L3MBTL3: variants seen among roughly 807,000 people sequenced by gnomAD.
The protein encoded by L3MBTL3 is L3MBTL histone methyl-lysine binding protein 3, also known as lethal(3)malignant brain tumor-like protein 3.
A neutral mutation model predicts 102.3 loss-of-function variants in L3MBTL3; 27 were observed. The observed-to-expected ratio is 0.26, with a 90% confidence interval of 0.19 to 0.36. L3MBTL3 has a LOEUF of 0.36. Among genes scored for constraint, L3MBTL3 ranks in the 10% least tolerant of loss-of-function variants. L3MBTL3 has a pLI of 1.00. For missense variants in L3MBTL3, 798 were observed against 955.3 expected (o/e 0.84, Z 2.17); for synonymous variants, 340 against 320.9 (o/e 1.06, Z -0.64).
intron 19 of L3MBTL3, among the ~76,000 whole-genome samples, chr6:130,112,007 C>A (rs1785380947): frequency 6.6e-6 from 1 of 152,192 alleles, no homozygotes; most frequent in African/African-American, 2.4e-5. Flanking sequence ...TCCTGAGATA[C>A]CTCCTTTCCC....
intron 14 of L3MBTL3, among the ~76,000 whole-genome samples, chr6:130,079,420 T>C (rs768236984): frequency 5.9e-5 from 9 of 152,160 alleles, no homozygotes; most frequent in Non-Finnish European, 1.5e-5. Flanking sequence ...AGTGTCCTTG[T>C]TTTATATCAT....
intron 1 of L3MBTL3, among the ~76,000 whole-genome samples, chr6:130,020,135 C>T (rs1234587904): frequency 6.6e-6 from 1 of 151,094 alleles, no homozygotes; most frequent in Non-Finnish European, 1.5e-5. Flanking sequence ...GCGCCGGGGC[C>T]ACCGCCCGCC....
At chr6:130,034,577 A>G (rs1412655970) in intron 2 of L3MBTL3, among the ~76,000 whole-genome samples, 1 of 152,216 alleles carries the variant, frequency 6.6e-6, no homozygotes, top group African/African-American at 2.4e-5. Flanking sequence ...TGGCTAGCCT[A>G]TCGCTTTCAT....
chr6:130,047,091 G>A (rs1344344974), intron 3 of L3MBTL3, among the ~76,000 whole-genome samples: 1 of 152,150 alleles, frequency 6.6e-6, no homozygotes, highest in African/African-American at 2.4e-5. Context: ...ACTTTGATAA[G>A]AGCAGGTATT....
At chr6:130,079,321 A>G (rs1480321420) in intron 14 of L3MBTL3, among the ~76,000 whole-genome samples, 1 of 152,128 alleles carries the variant, frequency 6.6e-6, no homozygotes, top group African/African-American at 2.4e-5. Context: ...TGAAGTTTTC[A>G]GGCGCTTCTG....
At chr6:130,130,062 A>C (rs917517897) in intron 20 of L3MBTL3, among the ~76,000 whole-genome samples, 3 of 152,212 alleles carry the variant, frequency 2.0e-5, no homozygotes, top group African/African-American at 7.2e-5. Context: ...GAAAGTCTTA[A>C]TGCGAAGGAG....
intron 2 of L3MBTL3, among the ~76,000 whole-genome samples, chr6:130,025,803 G>A (rs115210108): frequency 9.3e-4 from 141 of 152,182 alleles, no homozygotes; most frequent in African/African-American, 3.2e-3. Context: ...GATACTTATT[G>A]AACCTCTATT....
chr6:130,091,102 T>A (rs181309432), intron 16 of L3MBTL3, among the ~76,000 whole-genome samples: 1 of 152,204 alleles, frequency 6.6e-6, no homozygotes, highest in Non-Finnish European at 1.5e-5. Context: ...TTTATAATAC[T>A]TGCCATTCTG....
chr6:130,032,063 A>G (rs932803978), intron 2 of L3MBTL3, among the ~76,000 whole-genome samples: 16 of 151,958 alleles, frequency 1.1e-4, no homozygotes, highest in African/African-American at 3.9e-4. Flanking sequence ...CAGGTGTGCA[A>G]CACCATGCCT....
At chr6:130,061,023 G>A (rs1411550118) in intron 10 of L3MBTL3, among the ~76,000 whole-genome samples, 2 of 151,512 alleles carry the variant, frequency 1.3e-5, no homozygotes, top group Admixed American at 6.6e-5. Flanking sequence ...GATAACATAC[G>A]GTTACATAGG....
At chr6:130,030,209 T>C (rs888316591) in intron 2 of L3MBTL3, among the ~76,000 whole-genome samples, 1 of 150,400 alleles carries the variant, frequency 6.6e-6, no homozygotes, top group Non-Finnish European at 1.5e-5. Context: ...AAGCATTCAC[T>C]GTGTGCAAAG....
chr6:130,102,102 A>C (rs530439108), intron 18 of L3MBTL3, among the ~76,000 whole-genome samples: 291 of 128,636 alleles, frequency 2.3e-3, no homozygotes, highest in African/African-American at 8.3e-3. Flanking sequence ...TCTCAGGGGG[A>C]AAAAAAAAAG....
At chr6:130,131,570 C>T (rs535673149) in intron 20 of L3MBTL3, among the ~76,000 whole-genome samples, 5 of 152,066 alleles carry the variant, frequency 3.3e-5, no homozygotes, top group African/African-American at 7.2e-5. Context: ...TCTTGGGTCT[C>T]GCGCAAGAAA....
intron 2 of L3MBTL3, among the ~76,000 whole-genome samples, chr6:130,040,581 TGTAA>T (rs1013185237): frequency 6.6e-6 from 1 of 152,182 alleles, no homozygotes; most frequent in African/African-American, 2.4e-5. Flanking sequence ...TGGTGATGCT[TGTAA>T]GTGTTACAAA....
chr6:130,054,490 G>A (rs375339325), intron 7 of L3MBTL3, among the ~76,000 whole-genome samples: 47 of 152,334 alleles, frequency 3.1e-4, no homozygotes, highest in African/African-American at 7.7e-4. Flanking sequence ...ATGGAAGTCC[G>A]TGGATTTGGG....
chr6:130,076,593 T>G (rs1782965691), intron 13 of L3MBTL3, among the ~76,000 whole-genome samples: 1 of 152,200 alleles, frequency 6.6e-6, no homozygotes, highest in African/African-American at 2.4e-5. Flanking sequence ...AAATGGAGGC[T>G]TCTTTCATGA....
At chr6:130,089,720 A>C (rs1328377576) in intron 16 of L3MBTL3, among the ~76,000 whole-genome samples, 1 of 152,070 alleles carries the variant, frequency 6.6e-6, no homozygotes, top group Non-Finnish European at 1.5e-5. Flanking sequence ...CATCCTCTCC[A>C]GCATCTGTTG....
intron 13 of L3MBTL3, among the ~76,000 whole-genome samples, chr6:130,074,846 G>T (rs1306392703): frequency 6.6e-6 from 1 of 152,120 alleles, no homozygotes; most frequent in African/African-American, 2.4e-5. Flanking sequence ...AAAGATCTGT[G>T]AAAAAGAAAA....
Position 130,133,312 on chromosome 6 carries a change from C to A in L3MBTL3, c.1967-140C>A, listed in dbSNP as rs1345633827. ...GACCTTCAGTAAAGACAAAGAAGAG[C>A]CTATTCAATAGTATAATGCTGAAAG... On this transcript the variant is annotated intron_variant, in intron 20 of 22. Transcript: ENST00000361794. The surrounding 1 kb of genome is among the most constrained non-coding windows in gnomAD (Gnocchi z 4.9). The A allele has an allele frequency of 5.7e-6, 4 of 696,382 alleles. No individual in the cohort carries two copies. Among genetic ancestry groups the A allele is most frequent in the Non-Finnish European group, 9.5e-6 (4 of 422,472 alleles). 43.1% of individuals were successfully genotyped at this position (696,382 alleles called of 1,614,324 possible). A position where few individuals can be genotyped will look rare whatever the true frequency, so the allele number is the denominator to read the frequency against.
Sources: allele counts gnomAD v4.1 joint callset (sites outside exome capture counted in the v4.1 genomes callset), GRCh38; gene constraint gnomAD v4.1.1; non-coding constraint Gnocchi (gnomAD v3.1); transcripts MANE v1.5; gene names NCBI Gene and HGNC (gene_info 2026-07-23, HGNC 2026-07-21).